Variants in VPS35L observed in about 807,000 individuals in gnomAD.
VPS35L encodes the protein VPS35 endosomal protein-sorting factor-like.
Under a neutral mutation model 133.0 loss-of-function variants are expected in VPS35L, and 83 were observed. That is an observed-to-expected ratio of 0.62 (90% CI 0.52 to 0.75). The LOEUF (loss-of-function observed/expected upper bound fraction) is 0.75, where lower values mean the gene tolerates loss of function less well. VPS35L is among the 30% of genes least tolerant of loss of function. The pLI is 0.00. For synonymous variants in VPS35L, 423 were observed against 449.9 expected (o/e 0.94, Z 0.76); for missense variants, 1,083 against 1,206.8 (o/e 0.90, Z 1.52).
At chr16:19,622,842 C>T (rs1355727909) in intron 14 of VPS35L, among the ~76,000 whole-genome samples, 3 of 152,108 alleles carry the variant, frequency 2.0e-5, no homozygotes, top group Non-Finnish European at 4.4e-5. Flanking sequence ...TTGTCACCAG[C>T]TAGGGTGCTT....
intron 11 of VPS35L, 142 bp downstream of exon 11, chr16:19,609,163 T>G (rs1234868017): frequency 2.8e-6 from 2 of 703,592 alleles, no homozygotes; most frequent in Non-Finnish European, 4.8e-6. Flanking sequence ...TTTTTCTCAT[T>G]GAATCCAAAT....
intron 29 of VPS35L, 23 bp downstream of exon 29, chr16:19,691,494 C>T: frequency 2.5e-6 from 4 of 1,569,106 alleles, no homozygotes; most frequent in Non-Finnish European, 3.5e-6. Context: ...TGCTGTCCTC[C>T]ACCCGCCCCT....
rs376976906 is a variant in VPS35L, at chr16:19,555,783, C to T, written c.17+37C>T. On this transcript the variant is annotated intron_variant, in intron 1 of 30. Transcript: ENST00000417362. Reference sequence around the variant, plus strand: ...GCGGCGGGTGGGCTTTGGAGAGGGGCTGTCCTTACTTGTGATGGGGTCGGC... The same window carrying T: ...GCGGCGGGTGGGCTTTGGAGAGGGGTTGTCCTTACTTGTGATGGGGTCGGC... 8.4e-6 allele frequency: 13 copies of T among 1,545,564 alleles called. No homozygotes were observed. The African/African-American group carries it at 1.2e-4, about 15-fold the overall frequency.
At chr16:19,675,818 G>A (rs1369919711) in intron 27 of VPS35L, among the ~76,000 whole-genome samples, 1 of 152,162 alleles carries the variant, frequency 6.6e-6, no homozygotes, top group Non-Finnish European at 1.5e-5. Context: ...CCAAAGTGCT[G>A]AGATTACAGG....
intron 1 of VPS35L, among the ~76,000 whole-genome samples, chr16:19,560,728 G>A (rs149804219): frequency 5.9e-5 from 9 of 151,950 alleles, no homozygotes; most frequent in Non-Finnish European, 8.8e-5. Flanking sequence ...TCCAGGAGGC[G>A]GAGGTTGCAG....
intron 22 of VPS35L, 30 bp from the exon 23 acceptor site, chr16:19,644,856 G>C (rs754693151): frequency 1.3e-6 from 2 of 1,497,662 alleles, no homozygotes; most frequent in Non-Finnish European, 1.8e-6. Context: ...TATTACCTCC[G>C]TGTTAATTAT....
chr16:19,619,961 A>T (rs57767580), intron 14 of VPS35L, among the ~76,000 whole-genome samples: 11 of 152,208 alleles, frequency 7.2e-5, no homozygotes, highest in African/African-American at 2.2e-4. Context: ...AAAATAGGGG[A>T]TGGTAAAGTT....
chr16:19,669,356 T>C, intron 27 of VPS35L, 57 bp downstream of exon 27: 1 of 1,544,042 alleles, frequency 6.5e-7, no homozygotes, highest in South Asian at 1.2e-5. Context: ...CCTTATAATA[T>C]TATATGTGTT....
intron 7 of VPS35L, 110 bp downstream of exon 7, chr16:19,581,763 A>C: frequency 1.3e-5 from 17 of 1,279,746 alleles, no homozygotes; most frequent in Non-Finnish European, 1.7e-5. Context: ...TTGTTTTCTC[A>C]TCCCTTTCTT....
In VPS35L at chr16:19,603,587, C is replaced by T. The variant is rs554806694; in HGVS notation, c.784+1864C>T. The stretch of plus-strand genomic sequence containing the variant: ...CCACGCCACTGCGTCACACCTGTGA[C>T]GATGTTTTTTCAGCAGCTCCTCCTA... On this transcript the variant is annotated intron_variant, in intron 9 of 30. Transcript: ENST00000417362. Among the ~76,000 whole-genome samples, 22 of 152,192 alleles carry T rather than the reference C, an allele frequency of 1.4e-4. No homozygotes were observed. In the South Asian group the frequency reaches 4.1e-3, roughly 29 times the overall value.
chr16:19,665,331 C>A (rs982945751), intron 26 of VPS35L, among the ~76,000 whole-genome samples: 2 of 152,286 alleles, frequency 1.3e-5, no homozygotes, highest in African/African-American at 4.8e-5. Flanking sequence ...CATGCCCCAC[C>A]ATTACCCTTC....
At chr16:19,679,559 G>C (rs992012049) in intron 27 of VPS35L, among the ~76,000 whole-genome samples, 1 of 151,156 alleles carries the variant, frequency 6.6e-6, no homozygotes, top group Non-Finnish European at 1.5e-5. Context: ...GGGCTGCAGT[G>C]CAGTAGTGTG....
chr16:19,672,106 C>G (rs115044634), intron 27 of VPS35L, among the ~76,000 whole-genome samples: 1 of 152,094 alleles, frequency 6.6e-6, no homozygotes, highest in South Asian at 2.1e-4. Flanking sequence ...CCAGCCACCA[C>G]GCCTGGCTAA....
chr16:19,665,217 A>G (rs67373737), intron 26 of VPS35L, among the ~76,000 whole-genome samples: 38,672 of 152,112 alleles, frequency 0.25, 5,123 homozygotes, highest in Non-Finnish European at 0.28. Flanking sequence ...TTAAATGTAC[A>G]ATTAAATTAT....
chr16:19,570,850 T>C (rs1971344874), intron 3 of VPS35L, among the ~76,000 whole-genome samples: 2 of 15,036 alleles, frequency 1.3e-4, no homozygotes, highest in Non-Finnish European at 2.0e-4. Flanking sequence ...TATATATATA[T>C]ATATATATAT....
chr16:19,642,538 A>G (rs537503576), intron 22 of VPS35L, 62 bp downstream of exon 22: 2 of 1,371,740 alleles, frequency 1.5e-6, no homozygotes, highest in East Asian at 4.6e-5. Context: ...CTAATAGGAC[A>G]TTAGGGAATG....
At chr16:19,596,544 G>T (rs1158504354) in intron 8 of VPS35L, among the ~76,000 whole-genome samples, 2 of 151,762 alleles carry the variant, frequency 1.3e-5, no homozygotes, top group East Asian at 3.9e-4. Flanking sequence ...CAAAGTGCTG[G>T]GATTATAGGC....
intron 28 of VPS35L, among the ~76,000 whole-genome samples, chr16:19,682,812 A>G (rs907517349): frequency 1.7e-4 from 26 of 152,234 alleles, no homozygotes; most frequent in Admixed American, 1.2e-3. Flanking sequence ...CAGTAAGCCA[A>G]GATGGCACCA....
rs527267651 is a variant in VPS35L at position 19,588,924 on chromosome 16, T to G, written c.640-2866T>G. On this transcript the variant is annotated intron_variant, in intron 7 of 30. Coordinates refer to ENST00000417362, the MANE Select transcript of VPS35L (RefSeq NM_020314.7). Reference sequence around the variant, plus strand: ...TGTGGGCGTGTGAGAGTCTGTGCTATTCAACATTCTACCACCATTTGGTAT... The same window carrying G: ...TGTGGGCGTGTGAGAGTCTGTGCTAGTCAACATTCTACCACCATTTGGTAT... Among the ~76,000 whole-genome samples, 17 of 152,352 alleles carry G rather than the reference T, an allele frequency of 1.1e-4. No individual in the cohort carries two copies. In the South Asian group the frequency reaches 3.1e-3, roughly 28 times the overall value.
Sources: gnomAD v4.1 joint callset for allele counts (sites outside exome capture counted in the v4.1 genomes callset) on GRCh38, gnomAD v4.1.1 for gene constraint, MANE v1.5 for transcripts, NCBI Gene and HGNC (gene_info 2026-07-23, HGNC 2026-07-21) for gene names.